The following PTPN5 variants were observed in gnomAD, a reference collection of about 807,000 sequenced individuals.
The protein encoded by PTPN5 is protein tyrosine phosphatase non-receptor type 5, also known as tyrosine-protein phosphatase non-receptor type 5.
A neutral mutation model predicts 73.9 loss-of-function variants in PTPN5; 29 were observed. The observed-to-expected ratio is 0.39, with a 90% confidence interval of 0.29 to 0.54. PTPN5 has a LOEUF of 0.54. Among genes scored for constraint, PTPN5 ranks in the 20% least tolerant of loss-of-function variants. The probability of loss-of-function intolerance (pLI) is 0.65; values close to 1 mark genes in which losing one functional copy is unlikely to be tolerated. For missense variants in PTPN5, 652 were observed against 751.4 expected, an observed-to-expected ratio of 0.87 and a Z score of 1.55; for synonymous variants, 267 against 304.7, an observed-to-expected ratio of 0.88 and a Z score of 1.29.
intron 3 of PTPN5, among the ~76,000 whole-genome samples, chr11:18,755,877 G>A (rs1474818180): frequency 6.6e-6 from 1 of 151,910 alleles, no homozygotes; most frequent in African/African-American, 2.4e-5. Flanking sequence ...GGTAGCATGT[G>A]CCTGTAATCC....
intron 1 of PTPN5, among the ~76,000 whole-genome samples, chr11:18,774,775 C>A (rs562448678): frequency 6.6e-6 from 1 of 152,326 alleles, no homozygotes; most frequent in South Asian, 2.1e-4. Flanking sequence ...ACTCTGTGGA[C>A]CCTCCCAGCC....
chr11:18,765,741 G>T, intron 3 of PTPN5, 66 bp downstream of exon 3: 2 of 1,134,328 alleles, frequency 1.8e-6, no homozygotes, highest in Non-Finnish European at 2.6e-6. Context: ...TCCAGCCCCA[G>T]CTTCAGCCGG....
chr11:18,765,392 C>G (rs977937610), intron 3 of PTPN5, among the ~76,000 whole-genome samples: 10 of 152,084 alleles, frequency 6.6e-5, no homozygotes, highest in African/African-American at 2.4e-4. Flanking sequence ...GGCTTCTCAA[C>G]AGGGAGGTCA....
At position 18,737,828 on chromosome 11, in the gene PTPN5, C is replaced by T. The variant is rs566054452; in HGVS notation, c.1000+52G>A. On this transcript the variant is annotated intron_variant, in intron 9 of 14. Transcript: ENST00000358540. ...AGGGTCCTCCTCAGGGTGAGGGGAT[C>T]CCCAGGTGAAGCTGAGCCTGCCCCC... 6.8e-5 allele frequency: 102 copies of T among 1,492,904 alleles called. No individual in the cohort carries two copies. The Admixed American group carries it at 1.7e-3, about 25-fold the overall frequency. 92.5% of individuals were successfully genotyped at this position (1,492,904 alleles called of 1,614,324 possible). A position where few individuals can be genotyped will look rare whatever the true frequency, so the allele number is the denominator to read the frequency against.
intron 1 of PTPN5, among the ~76,000 whole-genome samples, chr11:18,787,033 A>G (rs1224910833): frequency 6.6e-6 from 1 of 152,198 alleles, no homozygotes; most frequent in African/African-American, 2.4e-5. Flanking sequence ...AGGATGAAGA[A>G]AGACCAAAAA....
At chr11:18,780,858 T>C (rs1851387900) in intron 1 of PTPN5, among the ~76,000 whole-genome samples, 1 of 151,414 alleles carries the variant, frequency 6.6e-6, no homozygotes, top group Non-Finnish European at 1.5e-5. Flanking sequence ...TCCTTTACAC[T>C]CAGATTTGGA....
At chr11:18,790,875 G>C (rs1230607321) in intron 1 of PTPN5, among the ~76,000 whole-genome samples, 2 of 152,174 alleles carry the variant, frequency 1.3e-5, no homozygotes, top group Non-Finnish European at 2.9e-5. Flanking sequence ...TGAGAAGGTT[G>C]AATAAGTTCC....
chr11:18,729,989 C>A lies in PTPN5; in HGVS notation c.1330-171G>T. On this transcript the variant is annotated intron_variant, in intron 12 of 14. Transcript: ENST00000358540. The surrounding 1 kb of genome is among the most constrained non-coding windows in gnomAD (Gnocchi z 5.2). ...ATTGCCCAGTGGCACCAGACACAGA[C>A]CCAAAGCCAGCTTGGTTTTGGGGGT... The A allele has an allele frequency of 1.2e-6, 1 of 843,882 alleles. No individual in the cohort carries two copies. The highest frequency in any genetic ancestry group is 2.5e-5 in the Admixed American group (1 of 40,620). 52.3% of individuals were successfully genotyped at this position (843,882 alleles called of 1,614,324 possible).
rs893989689 is a variant in PTPN5 at position 18,729,321 on chromosome 11, G to C, written c.1604+132C>G. 6.3e-6 allele frequency: 4 copies of C among 637,940 alleles called. No homozygotes were observed. The South Asian group carries it at 7.2e-5, about 11-fold the overall frequency. The allele number at this position is 637,940 out of a possible 1,614,324, so 39.5% of individuals were successfully genotyped here. A position where few individuals can be genotyped will look rare whatever the true frequency, so the allele number is the denominator to read the frequency against. ...TACCCAGCTGTCCTCGCTACTCCTT[G>C]TCTGCCCATCAGTCCGTGCCAGTGT... On this transcript the variant is annotated intron_variant, in intron 14 of 14. Coordinates refer to ENST00000358540, the MANE Select transcript of PTPN5 (RefSeq NM_006906.2). The surrounding 1 kb of genome is among the most constrained non-coding windows in gnomAD (Gnocchi z 5.2).
chr11:18,736,063 C>A (rs1235910045), intron 9 of PTPN5, among the ~76,000 whole-genome samples: 2 of 152,158 alleles, frequency 1.3e-5, no homozygotes, highest in Non-Finnish European at 2.9e-5. Context: ...CATGAAAGCC[C>A]TAACCTCAAA....
chr11:18,780,259 T>A (rs1413620994), intron 1 of PTPN5, among the ~76,000 whole-genome samples: 1 of 152,050 alleles, frequency 6.6e-6, no homozygotes, highest in African/African-American at 2.4e-5. Flanking sequence ...TGTTTCCAGG[T>A]CCCCAAGTCA....
chr11:18,734,421 G>C (rs1456220852), intron 9 of PTPN5, among the ~76,000 whole-genome samples: 1 of 152,196 alleles, frequency 6.6e-6, no homozygotes, highest in Non-Finnish European at 1.5e-5. Context: ...GGGCCCAAGT[G>C]ATCCTCCTGC....
intron 3 of PTPN5, 84 bp from the exon 4 acceptor site, chr11:18,744,283 C>A (rs887414587): frequency 1.5e-5 from 19 of 1,257,016 alleles, no homozygotes; most frequent in Non-Finnish European, 1.9e-5. Flanking sequence ...GTGGCTGTGG[C>A]TGCCTCTCAA....
rs114927867 is a variant in PTPN5, at chr11:18,775,611, T to C, written c.-113-3540A>G. On this transcript the variant is annotated intron_variant, in intron 1 of 14. Transcript: ENST00000358540. ...GGCTGGCTTGGGTGGGGAGCCTGTG[T>C]TGGTGGCAGCTGTGTTCCATCAGTG... 1.1e-4 allele frequency among the ~76,000 whole-genome samples: 17 copies of C among 152,110 alleles called. 1 individual carries two copies. The highest frequency in any genetic ancestry group is 1.5e-5 in the Non-Finnish European group (1 of 68,006).
At chr11:18,779,122 C>A (rs895471385) in intron 1 of PTPN5, among the ~76,000 whole-genome samples, 1 of 152,134 alleles carries the variant, frequency 6.6e-6, no homozygotes, top group African/African-American at 2.4e-5. Context: ...ACTAGAGGGG[C>A]CCCTAGCTCC....
chr11:18,753,319 A>G (rs1169191675), intron 3 of PTPN5, among the ~76,000 whole-genome samples: 1 of 152,206 alleles, frequency 6.6e-6, no homozygotes, highest in Non-Finnish European at 1.5e-5. Context: ...TTCGGCATCC[A>G]TCTCACTACC....
At chr11:18,772,197 C>T (rs1850935238) in intron 1 of PTPN5, 126 bp from the exon 2 acceptor site, 3 of 526,968 alleles carry the variant, frequency 5.7e-6, no homozygotes, top group Non-Finnish European at 9.8e-6. Context: ...TCCCCTGGTG[C>T]CCTGCTTGCC....
Position 18,771,919 on chromosome 11 carries a change from C to G in PTPN5, c.20+20G>C. 1 of 1,597,168 alleles carries G rather than the reference C, an allele frequency of 6.3e-7. No homozygotes were observed. The highest frequency in any genetic ancestry group is 8.5e-7 in the Non-Finnish European group (1 of 1,172,350). ...CCTCAGTGGGCGGGTTGCAGGGGGA[C>G]GGCGTAAACGCTCACTCACCTGGCT... is the stretch of plus-strand genomic sequence containing the variant. On this transcript the variant is annotated intron_variant, in intron 2 of 14. Transcript: ENST00000358540.
At chr11:18,767,288 A>G (rs114693550) in intron 2 of PTPN5, among the ~76,000 whole-genome samples, 145 of 152,144 alleles carry the variant, frequency 9.5e-4, no homozygotes, top group African/African-American at 3.4e-3. Context: ...TCTCCCTCTG[A>G]TATCTTCTTT....
Sources: allele counts gnomAD v4.1 joint callset (sites outside exome capture counted in the v4.1 genomes callset), GRCh38; gene constraint gnomAD v4.1.1; non-coding constraint Gnocchi (gnomAD v3.1); transcripts MANE v1.5; gene names NCBI Gene and HGNC (gene_info 2026-07-23, HGNC 2026-07-21).